Variants in ERC2 observed in about 807,000 individuals in gnomAD.
The protein encoded by ERC2 is ELKS/RAB6-interacting/CAST family member 2.
Under a neutral mutation model 114.8 loss-of-function variants are expected in ERC2, and 42 were observed. That is an observed-to-expected ratio of 0.37 (90% confidence interval 0.29 to 0.47). The LOEUF (loss-of-function observed/expected upper bound fraction) is 0.47. ERC2 is among the 20% of genes least tolerant of loss of function. The probability of loss-of-function intolerance (pLI) is 0.99; values close to 1 mark genes in which losing one functional copy is unlikely to be tolerated. For missense variants in ERC2, 939 were observed against 1,150.7 expected (o/e 0.82, Z 2.66); for synonymous variants, 454 against 425.5 (o/e 1.07, Z -0.82).
At chr3:56,293,530 T>C (rs1190225133) in intron 3 of ERC2, among the ~76,000 whole-genome samples, 2 of 152,238 alleles carry the variant, frequency 1.3e-5, no homozygotes, top group Non-Finnish European at 2.9e-5. Flanking sequence ...CACAGGGCAG[T>C]ACAACCCTTC....
At chr3:56,202,703 A>G (rs1423500133) in intron 3 of ERC2, among the ~76,000 whole-genome samples, 1 of 152,198 alleles carries the variant, frequency 6.6e-6, no homozygotes, top group African/African-American at 2.4e-5. Flanking sequence ...GAAATTTGCC[A>G]GATATATATG....
chr3:55,971,707 C>A (rs2069170464), intron 12 of ERC2, among the ~76,000 whole-genome samples: 1 of 152,118 alleles, frequency 6.6e-6, no homozygotes. Context: ...AGGATCAGTA[C>A]CTTTCTCAAA....
chr3:55,773,299 T>G (rs1236054644), intron 14 of ERC2, among the ~76,000 whole-genome samples: 1 of 152,332 alleles, frequency 6.6e-6, no homozygotes, highest in African/African-American at 2.4e-5. Context: ...TGGAGCGCTC[T>G]TCCCTCTCGG....
intron 2 of ERC2, among the ~76,000 whole-genome samples, chr3:56,394,843 C>T (rs2106880369): frequency 6.6e-6 from 1 of 152,086 alleles, no homozygotes; most frequent in South Asian, 2.1e-4. Context: ...TTATATGACC[C>T]AGCAATTCCA....
intron 17 of ERC2, among the ~76,000 whole-genome samples, chr3:55,535,889 G>A (rs1348918877): frequency 1.3e-5 from 2 of 152,136 alleles, no homozygotes; most frequent in East Asian, 1.9e-4. Context: ...AGCTACTCAG[G>A]AGGCTGAGAC....
rs540418422 is a variant in ERC2, at chr3:55,769,493, G to A, written c.2565-34575C>T. 7.2e-5 allele frequency among the ~76,000 whole-genome samples: 11 copies of A among 152,016 alleles called. No homozygotes were observed. In the South Asian group the frequency reaches 1.9e-3, roughly 26 times the overall value. On this transcript the variant is annotated intron_variant, in intron 14 of 17. Transcript: ENST00000288221. ...GGTAGAAAAGGTATATACAAGCAGA[G>A]GATGCAAAGGTTTGCAGGTTGAGAA...
intron 14 of ERC2, among the ~76,000 whole-genome samples, chr3:55,879,080 T>C (rs2062995169): frequency 1.1e-5 from 1 of 87,368 alleles, no homozygotes; most frequent in Non-Finnish European, 2.2e-5. Flanking sequence ...TTTTCTTTTC[T>C]TTTTTTTTCT....
chr3:55,748,448 C>T (rs558685567), intron 14 of ERC2, among the ~76,000 whole-genome samples: 108 of 152,296 alleles, frequency 7.1e-4, no homozygotes, highest in African/African-American at 2.5e-3. Context: ...AACTCAGAGA[C>T]TGCTACCACA....
intron 13 of ERC2, among the ~76,000 whole-genome samples, chr3:55,928,327 CT>C: frequency 6.6e-6 from 1 of 152,096 alleles, no homozygotes; most frequent in Non-Finnish European, 1.5e-5. Context: ...ATGATATCTC[CT>C]TGTAGTTTTG....
At chr3:56,075,013 T>C (rs2076905962) in intron 7 of ERC2, among the ~76,000 whole-genome samples, 2 of 152,154 alleles carry the variant, frequency 1.3e-5, no homozygotes, top group African/African-American at 2.4e-5. Context: ...TGATTATGGT[T>C]GGGGCACTCA....
chr3:55,856,422 C>A (rs1041093304), intron 14 of ERC2, among the ~76,000 whole-genome samples: 2 of 152,188 alleles, frequency 1.3e-5, no homozygotes, highest in Non-Finnish European at 2.9e-5. Flanking sequence ...TTCATTCAAT[C>A]GGCGCTGTTC....
chr3:56,065,288 T>A (rs1263414385), intron 7 of ERC2, among the ~76,000 whole-genome samples: 1 of 152,056 alleles, frequency 6.6e-6, no homozygotes, highest in Non-Finnish European at 1.5e-5. Context: ...AGTGTCATGA[T>A]CATGGCTCAC....
chr3:56,403,559 T>C (rs901061992), intron 2 of ERC2, among the ~76,000 whole-genome samples: 2 of 152,208 alleles, frequency 1.3e-5, no homozygotes, highest in African/African-American at 4.8e-5. Context: ...GGACCGGCAG[T>C]ATCGGCATCA....
intron 2 of ERC2, among the ~76,000 whole-genome samples, chr3:56,353,049 A>G (rs2150531447): frequency 1.3e-5 from 2 of 152,326 alleles, no homozygotes; most frequent in East Asian, 3.9e-4. Flanking sequence ...AGAGGATCAC[A>G]AAAAGGCATG....
intron 2 of ERC2, among the ~76,000 whole-genome samples, chr3:56,400,467 C>T (rs188958055): frequency 2.5e-4 from 38 of 152,204 alleles, no homozygotes; most frequent in African/African-American, 5.1e-4. Context: ...AATACTATAT[C>T]AGAAGAAAAT....
chr3:56,296,084 A>G lies in ERC2; in HGVS notation c.1009T>C (p.Ser337Pro), dbSNP rs772524204. 6.2e-7 allele frequency: 1 copy of G among 1,612,940 alleles called. No individual in the cohort carries two copies. Among genetic ancestry groups the G allele is most frequent in the South Asian group, 1.1e-5 (1 of 91,012 alleles). The change falls in exon 3 of 18, where the codon TCT becomes CCT. Residue 337 changes from serine (S) to proline (P), a missense_variant. Ser to Pro is a moderately conservative substitution (Grantham distance 74, BLOSUM62 -1). This residue lies in a region of ERC2 where 148 missense variants were observed against 159.1 expected (regional missense o/e 0.93). Coordinates refer to ENST00000288221, the MANE Select transcript of ERC2 (RefSeq NM_015576.3). ...ATCACTTCCAAGTGGCTGACCTGAG[A>G]CTCAGCCTCTGCCATCCGCCGCGTT... ...ERTRRMAEAE[S>P]QVSHLEVILD...
At chr3:55,748,828 C>T (rs1431056683) in intron 14 of ERC2, among the ~76,000 whole-genome samples, 4 of 152,098 alleles carry the variant, frequency 2.6e-5, no homozygotes, top group African/African-American at 9.7e-5. Context: ...AGCTACTAGG[C>T]CGAATAATAC....
rs1214677657 is a variant in ERC2 at position 56,358,616 on chromosome 3, C to T, written c.658-62181G>A. On this transcript the variant is annotated intron_variant, in intron 2 of 17. Coordinates refer to ENST00000288221, the MANE Select transcript of ERC2 (RefSeq NM_015576.3). ...GGCAATAACATCCAAAAATGTGCAA[C>T]AGATACACACTCAGGCTGGTGGCTT... Among the ~76,000 whole-genome samples, 4 of 152,224 alleles carry T rather than the reference C, an allele frequency of 2.6e-5. No homozygotes were observed. In the East Asian group the frequency reaches 7.7e-4, roughly 29 times the overall value.
chr3:55,657,438 C>T (rs1264206052), intron 17 of ERC2: 1 of 152,096 alleles, frequency 6.6e-6, no homozygotes, highest in African/African-American at 2.4e-5. Flanking sequence ...ACTATTATTA[C>T]TATATTAGAC....
Sources: gnomAD v4.1 joint callset for allele counts (sites outside exome capture counted in the v4.1 genomes callset) on GRCh38, gnomAD v4.1.1 for gene constraint, gnomAD v4.1.1 regional missense constraint, MANE v1.5 for transcripts, NCBI Gene and HGNC (gene_info 2026-07-23, HGNC 2026-07-21) for gene names.